The following XKR3 variants were observed in gnomAD, a reference collection of about 807,000 sequenced individuals.
XKR3 encodes XK related 3.
In XKR3, 27 loss-of-function variants were observed where a neutral mutation model predicts 40.3. The observed-to-expected ratio is 0.67, with a 90% CI of 0.49 to 0.92. XKR3 has a LOEUF of 0.92. XKR3 is among the 40% of genes least tolerant of loss of function. XKR3 has a pLI of 0.00. For missense variants in XKR3, 472 were observed against 537.6 expected, an observed-to-expected ratio of 0.88 and a Z score of 1.21; for synonymous variants, 193 against 195.4, an observed-to-expected ratio of 0.99 and a Z score of 0.10.
At chr22:16,790,464 T>A (rs1481496566) in intron 3 of XKR3, among the ~76,000 whole-genome samples, 3 of 151,704 alleles carry the variant, frequency 2.0e-5, no homozygotes, top group Non-Finnish European at 4.4e-5. Flanking sequence ...AACAAACAAA[T>A]ACCACGTGTT....
chr22:16,821,966 T>C (rs2060258518), intron 1 of XKR3, among the ~76,000 whole-genome samples: 1 of 152,124 alleles, frequency 6.6e-6, no homozygotes, highest in African/African-American at 2.4e-5. Context: ...AATTTTAAAA[T>C]CACTATTAAA....
chr22:16,794,079 A>AG (rs1428370157), intron 3 of XKR3, among the ~76,000 whole-genome samples: 1 of 152,230 alleles, frequency 6.6e-6, no homozygotes, highest in Non-Finnish European at 1.5e-5. Context: ...TTGACTCACC[A>AG]GCATTCCAGA....
chr22:16,790,947 T>C (rs1346668280), intron 3 of XKR3, among the ~76,000 whole-genome samples: 1 of 151,064 alleles, frequency 6.6e-6, no homozygotes, highest in Non-Finnish European at 1.5e-5. Context: ...TTATGGGTGA[T>C]AATGCAAATC....
chr22:16,791,804 AG>A (rs2060119626), intron 3 of XKR3, among the ~76,000 whole-genome samples: 6 of 50,270 alleles, frequency 1.2e-4, no homozygotes, highest in South Asian at 7.1e-4. Flanking sequence ...AGAGAGAGAG[AG>A]AGAGAGAAAG....
intron 3 of XKR3, among the ~76,000 whole-genome samples, chr22:16,794,317 A>T (rs112152226): frequency 1.2e-3 from 182 of 152,276 alleles, no homozygotes; most frequent in African/African-American, 3.3e-3. Context: ...CAAACACGAA[A>T]ATATAAATGC....
intron 3 of XKR3, among the ~76,000 whole-genome samples, chr22:16,796,557 C>G (rs1471771176): frequency 1.6e-4 from 25 of 152,212 alleles, no homozygotes; most frequent in African/African-American, 5.8e-4. Flanking sequence ...CTCAACATGT[C>G]CAAATCAATA....
At chr22:16,822,774 C>T (rs1479976748) in intron 1 of XKR3, among the ~76,000 whole-genome samples, 3 of 152,186 alleles carry the variant, frequency 2.0e-5, no homozygotes, top group Non-Finnish European at 4.4e-5. Flanking sequence ...AGTTACAATA[C>T]TGTCACTTCT....
rs59584234 is a variant in XKR3, at chr22:16,798,180, C to CAA, written c.589+1589_589+1590dup. 5.7e-3 allele frequency among the ~76,000 whole-genome samples: 580 copies of CAA among 102,396 alleles called. 2 individuals are homozygous for CAA. The highest frequency in any genetic ancestry group is 0.014 in the African/African-American group (362 of 26,656). The allele number at this position is 102,396 out of a possible 152,430, so 67.2% of individuals were successfully genotyped here. A position where few individuals can be genotyped will look rare whatever the true frequency, so the allele number is the denominator to read the frequency against. ...TGGCAACAAGAGTGAAACTCCATCT[C>CAA]AAAAAAAAAAAAACAACAACAACAA... On this transcript the variant is annotated intron_variant, in intron 3 of 3. Coordinates refer to ENST00000684488, the MANE Select transcript of XKR3 (RefSeq NM_001386955.1).
At chr22:16,787,346 G>A (rs2060094959) in intron 3 of XKR3, among the ~76,000 whole-genome samples, 3 of 152,180 alleles carry the variant, frequency 2.0e-5, no homozygotes, top group South Asian at 2.1e-4. Flanking sequence ...ATCACATGTG[G>A]TCAGGAGTTT....
intron 3 of XKR3, among the ~76,000 whole-genome samples, chr22:16,798,690 A>C (rs2060153248): frequency 6.6e-6 from 1 of 152,246 alleles, no homozygotes; most frequent in Non-Finnish European, 1.5e-5. Flanking sequence ...AAAATAAATA[A>C]ATCATGTCGT....
At chr22:16,812,094 A>G (rs1392812343) in intron 1 of XKR3, among the ~76,000 whole-genome samples, 1 of 152,216 alleles carries the variant, frequency 6.6e-6, no homozygotes, top group African/African-American at 2.4e-5. Flanking sequence ...GGCACTTGTT[A>G]TAAGTGAAAA....
At chr22:16,805,189 G>A (rs907422603) in intron 2 of XKR3, among the ~76,000 whole-genome samples, 2 of 152,028 alleles carry the variant, frequency 1.3e-5, no homozygotes, top group Non-Finnish European at 2.9e-5. Flanking sequence ...AAATCTGGAG[G>A]AATCCACACA....
intron 3 of XKR3, 65 bp downstream of exon 3, chr22:16,799,706 T>G: frequency 6.6e-7 from 1 of 1,515,556 alleles, no homozygotes; most frequent in Middle Eastern, 1.8e-4. Context: ...ACTTCTCAAT[T>G]TCTATTATAT....
chr22:16,802,473 T>A (rs919319469), intron 2 of XKR3, among the ~76,000 whole-genome samples: 3 of 151,672 alleles, frequency 2.0e-5, no homozygotes, highest in African/African-American at 4.8e-5. Flanking sequence ...ATAATTCATG[T>A]AAACCATCCC....
chr22:16,814,804 C>T (rs1165087215), intron 1 of XKR3, among the ~76,000 whole-genome samples: 2 of 152,010 alleles, frequency 1.3e-5, no homozygotes, highest in Non-Finnish European at 1.5e-5. Flanking sequence ...CTTTTGTATA[C>T]TGATCTTGTT....
intron 1 of XKR3, among the ~76,000 whole-genome samples, chr22:16,811,141 G>A (rs1443864080): frequency 1.4e-5 from 2 of 145,144 alleles, no homozygotes; most frequent in Non-Finnish European, 1.5e-5. Flanking sequence ...TTTTTTAATA[G>A]GAAGTAACAA....
At chr22:16,786,782 C>G (rs1452587321) in intron 3 of XKR3, among the ~76,000 whole-genome samples, 1 of 152,130 alleles carries the variant, frequency 6.6e-6, no homozygotes, top group Non-Finnish European at 1.5e-5. Flanking sequence ...AAAGAAGCTT[C>G]CAAACAGAGC....
chr22:16,808,826 GA>G (rs2146169760), intron 1 of XKR3, among the ~76,000 whole-genome samples: 1 of 152,010 alleles, frequency 6.6e-6, no homozygotes, highest in East Asian at 1.9e-4. Context: ...AAAACAAAAT[GA>G]ATAAGAAGGA....
At chr22:16,814,961 G>T (rs1002729414) in intron 1 of XKR3, among the ~76,000 whole-genome samples, 26 of 150,120 alleles carry the variant, frequency 1.7e-4, no homozygotes, top group Non-Finnish European at 1.5e-5. Context: ...TTGCCCAATT[G>T]CCCCTCATCA....
Sources: gnomAD v4.1 joint callset for allele counts (sites outside exome capture counted in the v4.1 genomes callset) on GRCh38, gnomAD v4.1.1 for gene constraint, MANE v1.5 for transcripts, NCBI Gene and HGNC (gene_info 2026-07-23, HGNC 2026-07-21) for gene names.